Variants in MBOAT1 observed in about 807,000 individuals in gnomAD.
MBOAT1 encodes membrane-bound glycerophospholipid O-acyltransferase 1.
A neutral mutation model predicts 64.4 loss-of-function variants in MBOAT1; 67 were observed. That is an observed-to-expected ratio of 1.04 (90% CI 0.85 to 1.27). The LOEUF (loss-of-function observed/expected upper bound fraction) is 1.27. Among genes scored for constraint, MBOAT1 ranks in the 50% most tolerant of loss-of-function variants. The pLI is 0.00. For missense variants in MBOAT1, 563 were observed against 604.6 expected, an observed-to-expected ratio of 0.93 and a Z score of 0.72; for synonymous variants, 229 against 218.9, an observed-to-expected ratio of 1.05 and a Z score of -0.41.
intron 1 of MBOAT1, among the ~76,000 whole-genome samples, chr6:20,201,817 A>G (rs946901882): frequency 3.9e-5 from 6 of 152,050 alleles, no homozygotes; most frequent in African/African-American, 1.4e-4. Flanking sequence ...CCTGACCTCA[A>G]GTGATCCACC....
intron 1 of MBOAT1, among the ~76,000 whole-genome samples, chr6:20,183,127 T>C (rs1008331556): frequency 2.6e-5 from 4 of 152,124 alleles, no homozygotes; most frequent in Non-Finnish European, 5.9e-5. Context: ...ACCTCCCCTT[T>C]ATGACTCCCT....
At position 20,127,577 on chromosome 6, in the gene MBOAT1, G is replaced by A. The variant is rs531308482; in HGVS notation, c.531-877C>T. 2.6e-5 allele frequency among the ~76,000 whole-genome samples: 4 copies of A among 152,220 alleles called. No homozygotes were observed. In the South Asian group the frequency reaches 6.2e-4, roughly 24 times the overall value. Reference sequence around the variant, plus strand: ...AGCGGCATTAGATTCTCATAGGAGTGCAAACCCTATGGTGAACCGTGCATG... The same window carrying A: ...AGCGGCATTAGATTCTCATAGGAGTACAAACCCTATGGTGAACCGTGCATG... On this transcript the variant is annotated intron_variant, in intron 6 of 12. Coordinates refer to ENST00000324607, the MANE Select transcript of MBOAT1 (RefSeq NM_001080480.3).
At chr6:20,174,996 T>A (rs1762300588) in intron 1 of MBOAT1, among the ~76,000 whole-genome samples, 1 of 152,146 alleles carries the variant, frequency 6.6e-6, no homozygotes, top group Non-Finnish European at 1.5e-5. Context: ...CACCATTTAA[T>A]AAGACAGTCA....
intron 1 of MBOAT1, among the ~76,000 whole-genome samples, chr6:20,168,180 ATTAT>A (rs1274219062): frequency 6.6e-6 from 1 of 152,204 alleles, no homozygotes; most frequent in African/African-American, 2.4e-5. Context: ...TAATCTCTTC[ATTAT>A]TTATTTTAAA....
chr6:20,173,548 A>G (rs1762260625), intron 1 of MBOAT1, among the ~76,000 whole-genome samples: 1 of 152,252 alleles, frequency 6.6e-6, no homozygotes, highest in African/African-American at 2.4e-5. Context: ...TCATGAATAG[A>G]AAGACATATA....
intron 1 of MBOAT1, among the ~76,000 whole-genome samples, chr6:20,185,730 G>A (rs12526860): frequency 2.6e-5 from 4 of 152,106 alleles, no homozygotes; most frequent in Non-Finnish European, 5.9e-5. Context: ...TTATTCTCTA[G>A]GGTCCAAGCA....
chr6:20,116,241 C>T (rs1046267958), intron 9 of MBOAT1, among the ~76,000 whole-genome samples: 3 of 151,600 alleles, frequency 2.0e-5, no homozygotes. Context: ...CTGAGGCAGG[C>T]GAATTGCTTG....
At chr6:20,140,761 T>C (rs886361600) in intron 4 of MBOAT1, among the ~76,000 whole-genome samples, 26 of 152,136 alleles carry the variant, frequency 1.7e-4, no homozygotes, top group Admixed American at 1.1e-3. Flanking sequence ...CATAAGCCAA[T>C]TCCCATAATA....
Position 20,144,266 on chromosome 6 carries a change from G to C in MBOAT1, c.373C>G (p.Arg125Gly). The C allele has an allele frequency of 1.9e-6, 3 of 1,613,002 alleles. No homozygotes were observed. Among genetic ancestry groups the C allele is most frequent in the Non-Finnish European group, 2.5e-6 (3 of 1,179,370 alleles). ...MGYLTICHIS[R>G]IYIFHYGILT... ...ATTCCATAGTGGAAGATGTATATTC[G>C]GCTGATGTGGCATATTGTAAGATAT... is the stretch of plus-strand genomic sequence containing the variant. The change falls in exon 4 of 13, where the codon CGA becomes GGA. Residue 125 changes from arginine (R) to glycine (G), a missense_variant. Physicochemically the swap from Arg to Gly is moderately radical, Grantham distance 125. Coordinates refer to ENST00000324607, the MANE Select transcript of MBOAT1 (RefSeq NM_001080480.3).
intron 1 of MBOAT1, among the ~76,000 whole-genome samples, chr6:20,163,217 A>G (rs933143927): frequency 6.6e-6 from 1 of 152,168 alleles, no homozygotes; most frequent in African/African-American, 2.4e-5. Context: ...TCCTTGGCCC[A>G]GCAGGCAGGG....
At chr6:20,187,227 T>C (rs1053980245) in intron 1 of MBOAT1, among the ~76,000 whole-genome samples, 3 of 152,252 alleles carry the variant, frequency 2.0e-5, no homozygotes, top group Admixed American at 1.3e-4. Context: ...GTAGCAAGCA[T>C]GCCATCTTGG....
At chr6:20,183,555 C>T (rs1185349528) in intron 1 of MBOAT1, among the ~76,000 whole-genome samples, 2 of 152,032 alleles carry the variant, frequency 1.3e-5, no homozygotes, top group East Asian at 3.9e-4. Context: ...CTGTGTAAGT[C>T]AAAGGAAATG....
At chr6:20,140,275 CA>C (rs947336425) in intron 4 of MBOAT1, among the ~76,000 whole-genome samples, 1 of 152,164 alleles carries the variant, frequency 6.6e-6, no homozygotes, top group African/African-American at 2.4e-5. Context: ...CCAAGGGACC[CA>C]ACCTAGATTT....
Position 20,212,266 on chromosome 6 carries a change from CCAGCCCGCAA to C in MBOAT1, c.-42_-33del. ...TCTTCGGGAGGTGGCTGCCCCTGTC[CCAGCCCGCAA>C]CACCCCCTGCTCGGCGTCCTCCCGC... On this transcript the variant is annotated 5_prime_UTR_variant, in exon 1 of 13. Coordinates refer to ENST00000324607, the MANE Select transcript of MBOAT1 (RefSeq NM_001080480.3). 4 of 1,591,630 alleles carry C rather than the reference CCAGCCCGCAA, an allele frequency of 2.5e-6. No homozygotes were observed. The highest frequency in any genetic ancestry group is 2.6e-6 in the Non-Finnish European group (3 of 1,168,794).
Position 20,152,342 on chromosome 6 carries a change from AAAATAAAT to A in MBOAT1, c.245+274_245+281del, listed in dbSNP as rs1186886580. On this transcript the variant is annotated intron_variant, in intron 2 of 12. Transcript: ENST00000324607. ...ACTCCGTCTCAAAAAAAAAAAATAA[AAAATAAAT>A]AAATAAATAAATAAATTAATTAATT... is the stretch of plus-strand genomic sequence containing the variant. 7.1e-3 allele frequency among the ~76,000 whole-genome samples: 278 copies of A among 38,898 alleles called. 3 individuals carry two copies. The highest frequency in any genetic ancestry group is 0.033 in the Middle Eastern group (3 of 90). 25.5% of individuals were successfully genotyped at this position (38,898 alleles called of 152,430 possible).
chr6:20,193,249 G>A (rs1466060303), intron 1 of MBOAT1, among the ~76,000 whole-genome samples: 2 of 151,164 alleles, frequency 1.3e-5, no homozygotes, highest in East Asian at 2.0e-4. Context: ...CTCCTGATCC[G>A]CCCGCCTAGG....
chr6:20,171,621 C>T (rs1281272313), intron 1 of MBOAT1, among the ~76,000 whole-genome samples: 1 of 152,104 alleles, frequency 6.6e-6, no homozygotes, highest in Non-Finnish European at 1.5e-5. Context: ...TTAATTCAAA[C>T]CCAATCTGAT....
chr6:20,165,258 C>G (rs541879671), intron 1 of MBOAT1, among the ~76,000 whole-genome samples: 2 of 152,244 alleles, frequency 1.3e-5, no homozygotes, highest in South Asian at 4.1e-4. Context: ...ATTCTCCTGA[C>G]TCCGTGGTCC....
chr6:20,138,673 G>C (rs1183450886), intron 4 of MBOAT1, among the ~76,000 whole-genome samples: 1 of 152,178 alleles, frequency 6.6e-6, no homozygotes, highest in Admixed American at 6.5e-5. Flanking sequence ...AGATGCAGAC[G>C]GTAGAGGCAT....
Sources: gnomAD v4.1 joint callset for allele counts (sites outside exome capture counted in the v4.1 genomes callset) on GRCh38, gnomAD v4.1.1 for gene constraint, MANE v1.5 for transcripts, NCBI Gene and HGNC (gene_info 2026-07-23, HGNC 2026-07-21) for gene names.